PACRG: variants seen among roughly 807,000 people sequenced by gnomAD.
The protein encoded by PACRG is parkin coregulated, also known as parkin coregulated gene protein.
A neutral mutation model predicts 29.7 loss-of-function variants in PACRG; 29 were observed. That is an observed-to-expected ratio of 0.98 (90% CI 0.73 to 1.33). PACRG has a LOEUF of 1.33. Among genes scored for constraint, PACRG ranks in the 40% most tolerant of loss-of-function variants. PACRG has a pLI of 0.00. For missense variants in PACRG, 279 were observed against 316.2 expected (o/e 0.88, Z 0.89); for synonymous variants, 116 against 118.7 (o/e 0.98, Z 0.15).
rs186192596 is a variant in PACRG at position 162,984,956 on chromosome 6, G to T, written c.292-77194G>T. On this transcript the variant is annotated intron_variant, in intron 2 of 4. Coordinates refer to ENST00000366888, the MANE Select transcript of PACRG (RefSeq NM_001080379.2). ...GTGAAGATTTCTTCCCACTCTGTGG[G>T]TTGTCTGTTAACTGTGCTGATTACT... 5.6e-3 allele frequency among the ~76,000 whole-genome samples: 858 copies of T among 151,916 alleles called. 4 individuals are homozygous for T. Among genetic ancestry groups the T allele is most frequent in the Non-Finnish European group, 9.9e-3 (671 of 67,906 alleles).
intron 2 of PACRG, among the ~76,000 whole-genome samples, chr6:162,874,020 A>G (rs1257296408): frequency 1.3e-5 from 2 of 152,032 alleles, no homozygotes; most frequent in Non-Finnish European, 2.9e-5. Context: ...TCCATGTCAG[A>G]CCTCACATTA....
intron 1 of PACRG, among the ~76,000 whole-genome samples, chr6:162,799,737 C>T (rs1785694361): frequency 6.6e-6 from 1 of 151,658 alleles, no homozygotes; most frequent in Non-Finnish European, 1.5e-5. Context: ...CAGTTTGCAT[C>T]ATTAGACACA....
chr6:163,215,707 T>C (rs1781334515), intron 4 of PACRG, among the ~76,000 whole-genome samples: 1 of 152,030 alleles, frequency 6.6e-6, no homozygotes, highest in Non-Finnish European at 1.5e-5. Context: ...CATAAAGCAA[T>C]GACGAGTAAT....
chr6:163,121,853 G>C (rs774794161), intron 4 of PACRG, among the ~76,000 whole-genome samples: 1 of 151,526 alleles, frequency 6.6e-6, no homozygotes, highest in Non-Finnish European at 1.5e-5. Flanking sequence ...TAGTAGACAC[G>C]GGGTTTCACC....
intron 4 of PACRG, among the ~76,000 whole-genome samples, chr6:163,110,515 G>T (rs1448234041): frequency 6.6e-6 from 1 of 152,202 alleles, no homozygotes; most frequent in East Asian, 1.9e-4. Context: ...GCCTTTATCT[G>T]CAGTATCTGA....
At chr6:163,120,940 A>G (rs1298490866) in intron 4 of PACRG, among the ~76,000 whole-genome samples, 1 of 152,226 alleles carries the variant, frequency 6.6e-6, no homozygotes, top group African/African-American at 2.4e-5. Flanking sequence ...AATGCCAGGA[A>G]GCATCTGACC....
In PACRG at chr6:162,947,615, T is replaced by TATATATATATATATAATC. The variant is rs1799294441; in HGVS notation, c.292-114520_292-114519insATCATATATATATATATA. 8.9e-4 allele frequency among the ~76,000 whole-genome samples: 20 copies of TATATATATATATATAATC among 22,528 alleles called. 1 individual carries two copies. The highest frequency in any genetic ancestry group is 2.6e-3 in the African/African-American group (18 of 7,000). 14.8% of individuals were successfully genotyped at this position (22,528 alleles called of 152,430 possible). On this transcript the variant is annotated intron_variant, in intron 2 of 4. Transcript: ENST00000366888. Reference sequence around the variant, plus strand: ...ATAATCATATATATATATAATCATATATATATATATATATATATATATATA... The same window carrying TATATATATATATATAATC: ...ATAATCATATATATATATAATCATATATATATATATATATAATCATATATATATATATATATATATATA...
intron 4 of PACRG, among the ~76,000 whole-genome samples, chr6:163,230,011 C>T (rs1781963503): frequency 6.6e-6 from 1 of 152,188 alleles, no homozygotes; most frequent in Non-Finnish European, 1.5e-5. Flanking sequence ...TTAATACTGC[C>T]ATTGTTGACA....
At chr6:162,738,202 C>G (rs192217299) in intron 1 of PACRG, among the ~76,000 whole-genome samples, 1 of 152,106 alleles carries the variant, frequency 6.6e-6, no homozygotes, top group East Asian at 1.9e-4. Context: ...TATATGTATT[C>G]GTATATCCTA....
At chr6:162,984,910 C>T in intron 2 of PACRG, among the ~76,000 whole-genome samples, 1 of 150,160 alleles carries the variant, frequency 6.7e-6, no homozygotes, top group Non-Finnish European at 1.5e-5. Flanking sequence ...GGATATTCAT[C>T]CTTTGTTGGA....
At chr6:163,078,549 C>G (rs1351266286) in intron 3 of PACRG, among the ~76,000 whole-genome samples, 2 of 151,990 alleles carry the variant, frequency 1.3e-5, no homozygotes, top group Non-Finnish European at 2.9e-5. Flanking sequence ...ATTTATTGGG[C>G]TATTTCAGTG....
chr6:163,311,095 T>G (rs1300366482), intron 4 of PACRG: 4 of 152,162 alleles, frequency 2.6e-5, no homozygotes, highest in Non-Finnish European at 5.9e-5. Context: ...AACACCAATA[T>G]TCAGAGGAAT....
At chr6:162,988,197 G>A (rs985913866) in intron 2 of PACRG, among the ~76,000 whole-genome samples, 8 of 152,144 alleles carry the variant, frequency 5.3e-5, no homozygotes, top group African/African-American at 1.9e-4. Context: ...TGTTAGCCCT[G>A]TCTTCTATCT....
rs1562582605 is a variant in PACRG at position 162,773,493 on chromosome 6, C to CTTTTTTTTTTTTTT, written c.157-40654_157-40653insTTTTTTTTTTTTTT. 3.1e-4 allele frequency among the ~76,000 whole-genome samples: 26 copies of CTTTTTTTTTTTTTT among 82,762 alleles called. 2 individuals are homozygous for CTTTTTTTTTTTTTT. Among genetic ancestry groups the CTTTTTTTTTTTTTT allele is most frequent in the African/African-American group, 1.2e-3 (25 of 21,032 alleles). The allele number at this position is 82,762 out of a possible 152,430, so 54.3% of individuals were successfully genotyped here. On this transcript the variant is annotated intron_variant, in intron 1 of 4. Transcript: ENST00000366888. ...GATATTTGGTATTTTTACAGCTTGT[C>CTTTTTTTTTTTTTT]ATTTTTTTTTTTTTTTTTTTTTTTT...
intron 2 of PACRG, among the ~76,000 whole-genome samples, chr6:162,862,014 C>T (rs1479853945): frequency 6.6e-6 from 1 of 152,124 alleles, no homozygotes; most frequent in Non-Finnish European, 1.5e-5. Context: ...CTTGGCATTT[C>T]TGTGTCAGCT....
At chr6:162,989,643 A>G (rs988103830) in intron 2 of PACRG, among the ~76,000 whole-genome samples, 1 of 152,086 alleles carries the variant, frequency 6.6e-6, no homozygotes, top group African/African-American at 2.4e-5. Flanking sequence ...ATCCATTTTT[A>G]TGAATATTTT....
At chr6:162,957,817 C>T (rs747086156) in intron 2 of PACRG, among the ~76,000 whole-genome samples, 1 of 151,956 alleles carries the variant, frequency 6.6e-6, no homozygotes, top group African/African-American at 2.4e-5. Context: ...TATATCTAGC[C>T]CCAACCCCAG....
intron 4 of PACRG, among the ~76,000 whole-genome samples, chr6:163,127,953 A>G (rs902927837): frequency 2.0e-5 from 3 of 152,232 alleles, no homozygotes; most frequent in African/African-American, 4.8e-5. Context: ...CATGAACTTT[A>G]GAATATGTAC....
chr6:162,990,070 A>T (rs1398942877), intron 2 of PACRG, among the ~76,000 whole-genome samples: 49 of 150,992 alleles, frequency 3.2e-4, no homozygotes, highest in African/African-American at 1.2e-3. Context: ...ACATGAACTC[A>T]TCATTTTTTA....
Sources: allele counts gnomAD v4.1 joint callset (sites outside exome capture counted in the v4.1 genomes callset), GRCh38; gene constraint gnomAD v4.1.1; transcripts MANE v1.5; gene names NCBI Gene and HGNC (gene_info 2026-07-23, HGNC 2026-07-21).